Variants in ZNF33A observed in about 807,000 individuals in gnomAD.
ZNF33A encodes the protein brain my041 protein.
Under a neutral mutation model 15.9 loss-of-function variants are expected in ZNF33A, and 9 were observed. The ratio of observed to expected loss-of-function variants is 0.57; its 90% CI spans 0.34 to 0.99. The LOEUF (loss-of-function observed/expected upper bound fraction) is 0.99. Ranked by LOEUF, ZNF33A falls within the 50% of genes least tolerant of loss-of-function variation. The pLI is 0.02. For synonymous variants in ZNF33A, 294 were observed against 324.2 expected (o/e 0.91, Z 1.00); for missense variants, 843 against 941.6 (o/e 0.90, Z 1.37).
At chr10:38,038,324 C>T (rs537817745) in intron 4 of ZNF33A, among the ~76,000 whole-genome samples, 1 of 151,108 alleles carries the variant, frequency 6.6e-6, no homozygotes, top group Non-Finnish European at 1.5e-5. Flanking sequence ...CTGGTCTCAA[C>T]CTCCTGACGT....
intron 1 of ZNF33A, 94 bp downstream of exon 1, chr10:38,010,877 G>A (rs1463682168): frequency 3.3e-6 from 5 of 1,494,550 alleles, no homozygotes; most frequent in Admixed American, 3.6e-5. Context: ...GTGGGGAGGA[G>A]GCCCGGGGAC....
intron 2 of ZNF33A, 35 bp from the exon 3 acceptor site, chr10:38,016,836 T>G (rs1564833658): frequency 6.2e-7 from 1 of 1,609,828 alleles, no homozygotes; most frequent in Admixed American, 1.7e-5. Flanking sequence ...AGCCCATACT[T>G]CTTTTTTCAT....
chr10:38,017,059 T>C (rs2064486583), intron 3 of ZNF33A, 44 bp downstream of exon 3: 1 of 1,581,756 alleles, frequency 6.3e-7, no homozygotes, highest in Non-Finnish European at 8.6e-7. Flanking sequence ...ATTTGTTTAT[T>C]CTTTTGATTA....
intron 4 of ZNF33A, among the ~76,000 whole-genome samples, chr10:38,033,559 T>C (rs1157989327): frequency 6.6e-6 from 1 of 152,208 alleles, no homozygotes; most frequent in Non-Finnish European, 1.5e-5. Flanking sequence ...CACAATACTT[T>C]ACAATCCTGC....
At chr10:38,026,416 C>T (rs1277535992) in intron 4 of ZNF33A, among the ~76,000 whole-genome samples, 3 of 152,192 alleles carry the variant, frequency 2.0e-5, no homozygotes, top group Non-Finnish European at 4.4e-5. Flanking sequence ...CTCACCACAA[C>T]CTCCGCCTCC....
At chr10:38,047,624 CA>C (rs554054575) in intron 4 of ZNF33A, among the ~76,000 whole-genome samples, 14 of 75,002 alleles carry the variant, frequency 1.9e-4, no homozygotes, top group East Asian at 4.7e-4. Flanking sequence ...GACTCTGTCT[CA>C]AAAAAAAAAA....
chr10:38,053,076 G>T (rs758565511), intron 4 of ZNF33A, among the ~76,000 whole-genome samples: 12 of 151,180 alleles, frequency 7.9e-5, no homozygotes, highest in Admixed American at 3.3e-4. Context: ...TAAAATTATT[G>T]CTTCTTCTTT....
chr10:38,057,226 A>G lies in ZNF33A; in HGVS notation c.*666A>G. 1.0e-6 allele frequency: 1 copy of G among 981,570 alleles called. No individual in the cohort carries two copies. Among genetic ancestry groups the G allele is most frequent in the Non-Finnish European group, 1.2e-6 (1 of 829,628 alleles). 60.8% of individuals were successfully genotyped at this position (981,570 alleles called of 1,614,324 possible). ...TTACAGAACTGAAAAGGAATCTGAG[A>G]TCTGTACTGTATCAGGATTACAAAG... On this transcript the variant is annotated 3_prime_UTR_variant, in exon 5 of 5. Transcript: ENST00000432900.
chr10:38,039,993 G>T (rs1369348708), intron 4 of ZNF33A, among the ~76,000 whole-genome samples: 1 of 151,720 alleles, frequency 6.6e-6, no homozygotes, highest in African/African-American at 2.4e-5. Context: ...TTTAAATATG[G>T]TTATTACAGC....
Position 38,057,521 on chromosome 10 carries a change from G to A in ZNF33A, c.*961G>A, listed in dbSNP as rs752195890. On this transcript the variant is annotated 3_prime_UTR_variant, in exon 5 of 5. Coordinates refer to ENST00000432900, the MANE Select transcript of ZNF33A (RefSeq NM_006954.2). Reference sequence around the variant, plus strand: ...GAAGTAGGTATCCTAGTTTAGTAGTGGTTACATTATCAGGCCCATCCCAGA... The same window carrying A: ...GAAGTAGGTATCCTAGTTTAGTAGTAGTTACATTATCAGGCCCATCCCAGA... 1 of 985,312 alleles carries A rather than the reference G, an allele frequency of 1.0e-6. No individual in the cohort carries two copies. Among genetic ancestry groups the A allele is most frequent in the Non-Finnish European group, 1.2e-6 (1 of 829,894 alleles). The allele number at this position is 985,312 out of a possible 1,614,324, so 61.0% of individuals were successfully genotyped here.
intron 4 of ZNF33A, among the ~76,000 whole-genome samples, chr10:38,052,761 C>G (rs1402474480): frequency 3.3e-5 from 5 of 151,832 alleles, no homozygotes; most frequent in African/African-American, 1.2e-4. Flanking sequence ...GTCTTTTTGT[C>G]CAGAGTACTT....
downstream of ZNF33A, among the ~76,000 whole-genome samples, chr10:38,066,221 T>C (rs1234042519): frequency 6.6e-6 from 1 of 152,176 alleles, no homozygotes; most frequent in Non-Finnish European, 1.5e-5. Context: ...CCTGGTGTGA[T>C]TGTGATCTTT....
At chr10:38,034,910 T>C (rs2065373514) in intron 4 of ZNF33A, among the ~76,000 whole-genome samples, 1 of 152,134 alleles carries the variant, frequency 6.6e-6, no homozygotes, top group African/African-American at 2.4e-5. Flanking sequence ...AATACACGTG[T>C]ATAAACCATG....
chr10:38,033,995 G>A (rs530246183), intron 4 of ZNF33A, among the ~76,000 whole-genome samples: 1 of 152,266 alleles, frequency 6.6e-6, no homozygotes, highest in African/African-American at 2.4e-5. Context: ...ACAGGCGTGA[G>A]CTGCTGCTCC....
At chr10:38,043,200 G>C (rs1376906597) in intron 4 of ZNF33A, among the ~76,000 whole-genome samples, 1 of 151,742 alleles carries the variant, frequency 6.6e-6, no homozygotes, top group Admixed American at 6.6e-5. Context: ...TAGGTGACAG[G>C]TTATTAAAAA....
intron 4 of ZNF33A, among the ~76,000 whole-genome samples, chr10:38,050,269 A>C (rs2066143088): frequency 6.6e-6 from 1 of 152,232 alleles, no homozygotes; most frequent in Non-Finnish European, 1.5e-5. Flanking sequence ...ATTGGAAACC[A>C]GTGGTGTATA....
chr10:38,016,426 C>G (rs999229219), intron 2 of ZNF33A, among the ~76,000 whole-genome samples: 4 of 152,156 alleles, frequency 2.6e-5, no homozygotes, highest in African/African-American at 9.7e-5. Flanking sequence ...GAGGCCCTCA[C>G]CTTTGCTTGT....
chr10:38,031,301 G>A (rs1041674609), intron 4 of ZNF33A, among the ~76,000 whole-genome samples: 2 of 152,058 alleles, frequency 1.3e-5, no homozygotes, highest in Admixed American at 1.3e-4. Flanking sequence ...TGGGTGTGGT[G>A]GCATATGCCT....
chr10:38,038,988 G>A (rs1564856869), intron 4 of ZNF33A, among the ~76,000 whole-genome samples: 2 of 151,990 alleles, frequency 1.3e-5, no homozygotes, highest in South Asian at 2.1e-4. Flanking sequence ...CTAGTATTTT[G>A]TTGAGGATTT....
Sources: gnomAD v4.1 joint callset for allele counts (sites outside exome capture counted in the v4.1 genomes callset) on GRCh38, gnomAD v4.1.1 for gene constraint, MANE v1.5 for transcripts, NCBI Gene and HGNC (gene_info 2026-07-23, HGNC 2026-07-21) for gene names.